The following MIR2052HG variants were observed in gnomAD, a reference collection of about 807,000 sequenced individuals.
MIR2052HG encodes the protein MIR2052 host gene.
chr8:74,717,498 A>G (rs1809532175), intron 4 of MIR2052HG, among the ~76,000 whole-genome samples: 1 of 152,176 alleles, frequency 6.6e-6, no homozygotes, highest in Non-Finnish European at 1.5e-5. Context: ...TTAAGTTTGC[A>G]TCAACCTAAT....
intron 2 of MIR2052HG, among the ~76,000 whole-genome samples, chr8:74,679,349 G>A (rs1319823268): frequency 1.3e-5 from 2 of 151,796 alleles, no homozygotes; most frequent in Non-Finnish European, 2.9e-5. Flanking sequence ...ATGATATTTG[G>A]TTTTCCATTC....
Position 74,705,321 on chromosome 8 carries a change from G to A in MIR2052HG, n.371+1639G>A, listed in dbSNP as rs530026727. On this transcript the variant is annotated intron_variant and non_coding_transcript_variant, in intron 4 of 6. Coordinates refer to ENST00000523442, the Ensembl canonical transcript of MIR2052HG. ...TCTAGTAAAATTAAAAGTATTTAAC[G>A]TTCTTCCATATGTTTCAGGTTGAAA... Among the ~76,000 whole-genome samples, 41 of 151,838 alleles carry A rather than the reference G, an allele frequency of 2.7e-4. 1 individual carries two copies. The South Asian group carries it at 8.1e-3, about 30-fold the overall frequency.
At chr8:74,618,441 A>G (rs1808315329) in intron 2 of MIR2052HG, among the ~76,000 whole-genome samples, 2 of 152,206 alleles carry the variant, frequency 1.3e-5, no homozygotes, top group African/African-American at 2.4e-5. Flanking sequence ...CATTCATTAA[A>G]TGTATAAATA....
At chr8:74,633,742 A>G (rs115857113) in intron 2 of MIR2052HG, among the ~76,000 whole-genome samples, 1,762 of 152,346 alleles carry the variant, frequency 0.012, 31 homozygotes, top group African/African-American at 0.04. Flanking sequence ...ACTTAGTTCT[A>G]GGCTTATATT....
intron 4 of MIR2052HG, among the ~76,000 whole-genome samples, chr8:74,712,796 T>C (rs1228997856): frequency 6.6e-6 from 1 of 152,140 alleles, no homozygotes; most frequent in Non-Finnish European, 1.5e-5. Context: ...GATAATGTTC[T>C]ATATGACATT....
chr8:74,650,448 A>C (rs932174152), intron 2 of MIR2052HG, among the ~76,000 whole-genome samples: 2 of 152,164 alleles, frequency 1.3e-5, no homozygotes, highest in African/African-American at 2.4e-5. Flanking sequence ...TAGTTGATGT[A>C]AATTTAATGT....
At chr8:74,758,317 GAA>G (rs2128757391) in intron 6 of MIR2052HG, 1 of 151,854 alleles carries the variant, frequency 6.6e-6, no homozygotes, top group East Asian at 1.9e-4. Context: ...TAAGCATAAA[GAA>G]GAAAATAAAA....
At position 74,667,011 on chromosome 8, in the gene MIR2052HG, A is replaced by G. The variant is rs528884970; in HGVS notation, n.217-35368A>G. 9.9e-5 allele frequency among the ~76,000 whole-genome samples: 15 copies of G among 152,204 alleles called. No homozygotes were observed. The South Asian group carries it at 2.7e-3, about 27-fold the overall frequency. On this transcript the variant is annotated intron_variant and non_coding_transcript_variant, in intron 2 of 6. Transcript: ENST00000523442. ...TCCTAGCGCCTTTCCTCTTCATGTG[A>G]TCTCTCCAGCAGGGTAGCTGGACTG...
At chr8:74,617,147 A>G (rs555376150) in intron 2 of MIR2052HG, among the ~76,000 whole-genome samples, 26 of 152,124 alleles carry the variant, frequency 1.7e-4, no homozygotes, top group Non-Finnish European at 3.4e-4. Flanking sequence ...ACATACATAT[A>G]TCATATAGTG....
intron 2 of MIR2052HG, among the ~76,000 whole-genome samples, chr8:74,658,543 AC>A (rs1332331525): frequency 6.6e-6 from 1 of 151,596 alleles, no homozygotes; most frequent in Non-Finnish European, 1.5e-5. Flanking sequence ...CCACCACCAC[AC>A]CCGGCTAATT....
intron 1 of MIR2052HG, among the ~76,000 whole-genome samples, chr8:74,602,728 G>A (rs1048356939): frequency 4.0e-5 from 6 of 151,272 alleles, no homozygotes; most frequent in African/African-American, 1.5e-4. Flanking sequence ...TGTTGGCCAG[G>A]CTGGTCTCAA....
At chr8:74,715,311 T>G (rs935054057) in intron 4 of MIR2052HG, among the ~76,000 whole-genome samples, 3 of 152,122 alleles carry the variant, frequency 2.0e-5, no homozygotes, top group Non-Finnish European at 2.9e-5. Context: ...AGGAAGACAT[T>G]GATTAGATTG....
At chr8:74,732,872 G>A (rs1339216528) in intron 4 of MIR2052HG, among the ~76,000 whole-genome samples, 1 of 152,076 alleles carries the variant, frequency 6.6e-6, no homozygotes, top group East Asian at 1.9e-4. Flanking sequence ...GGGTTGAGGA[G>A]GTGGGTGAAG....
intron 2 of MIR2052HG, among the ~76,000 whole-genome samples, chr8:74,666,945 A>G (rs1808930212): frequency 6.6e-6 from 1 of 152,154 alleles, no homozygotes; most frequent in Non-Finnish European, 1.5e-5. Flanking sequence ...CTCCACCTGC[A>G]TGCTGAGACA....
intron 4 of MIR2052HG, among the ~76,000 whole-genome samples, chr8:74,752,021 CT>C (rs1809951920): frequency 6.6e-6 from 1 of 152,162 alleles, no homozygotes; most frequent in South Asian, 2.1e-4. Flanking sequence ...AGTCATACAT[CT>C]GTAATCCCAG....
intron 2 of MIR2052HG, among the ~76,000 whole-genome samples, chr8:74,647,904 T>G (rs1808706378): frequency 6.6e-6 from 1 of 152,224 alleles, no homozygotes; most frequent in Non-Finnish European, 1.5e-5. Context: ...GTCTTTACTT[T>G]AATCTCTTAA....
rs199606198 is a variant in MIR2052HG at position 74,699,466 on chromosome 8, G to A, written n.217-2913G>A. Among the ~76,000 whole-genome samples, 1,166 of 151,216 alleles carry A rather than the reference G, an allele frequency of 7.7e-3. 5 individuals carry two copies. Among genetic ancestry groups the A allele is most frequent in the East Asian group, 0.021 (110 of 5,142 alleles). On this transcript the variant is annotated intron_variant and non_coding_transcript_variant, in intron 2 of 6. Coordinates refer to ENST00000523442, the Ensembl canonical transcript of MIR2052HG. ...ATGGAATCATACTCAGTCATAAAAA[G>A]GAACAAAATAATGGCATTCGCAGCA...
chr8:74,745,573 T>G (rs1809875237), intron 4 of MIR2052HG, among the ~76,000 whole-genome samples: 1 of 152,052 alleles, frequency 6.6e-6, no homozygotes, highest in Non-Finnish European at 1.5e-5. Context: ...CTGTGGGTTT[T>G]TTTTTCACTG....
chr8:74,674,568 G>T (rs1809031160), intron 2 of MIR2052HG, among the ~76,000 whole-genome samples: 1 of 151,906 alleles, frequency 6.6e-6, no homozygotes, highest in South Asian at 2.1e-4. Flanking sequence ...AGAATCATGA[G>T]AGAATTTGGC....
Sources: allele counts gnomAD v4.1 joint callset (sites outside exome capture counted in the v4.1 genomes callset), GRCh38; gene constraint gnomAD v4.1.1; transcripts MANE v1.5; gene names NCBI Gene and HGNC (gene_info 2026-07-23, HGNC 2026-07-21).